The following KLHL1 variants were observed in gnomAD, a reference collection of about 807,000 sequenced individuals.
The protein encoded by KLHL1 is kelch-like protein 1.
KLHL1 carries 47 observed loss-of-function variants against 77.7 expected under a neutral mutation model. The observed-to-expected ratio is 0.60, with a 90% confidence interval of 0.48 to 0.77. KLHL1 has a LOEUF of 0.77. Ranked by LOEUF, KLHL1 falls within the 30% of genes least tolerant of loss-of-function variation. The pLI is 0.00. For missense variants in KLHL1, 925 were observed against 910.8 expected (o/e 1.02, Z -0.20); for synonymous variants, 360 against 325.2 (o/e 1.11, Z -1.15).
intron 4 of KLHL1, among the ~76,000 whole-genome samples, chr13:69,913,940 A>G (rs1369486850): frequency 6.6e-6 from 1 of 152,206 alleles, no homozygotes; most frequent in African/African-American, 2.4e-5. Flanking sequence ...CCCACCCTCA[A>G]TCTGGGTGAG....
At chr13:69,797,975 TCTGA>T (rs1376734715) in intron 6 of KLHL1, among the ~76,000 whole-genome samples, 3 of 152,192 alleles carry the variant, frequency 2.0e-5, no homozygotes, top group East Asian at 1.9e-4. Context: ...ATGCAATAAC[TCTGA>T]CTAATAAAAT....
chr13:69,989,001 T>G (rs1268279080), intron 1 of KLHL1, among the ~76,000 whole-genome samples: 4 of 152,162 alleles, frequency 2.6e-5, no homozygotes, highest in Non-Finnish European at 5.9e-5. Context: ...TTGCTGAATT[T>G]GCTTTTAGCA....
chr13:69,896,822 C>T (rs985711426), intron 4 of KLHL1, among the ~76,000 whole-genome samples: 1 of 151,922 alleles, frequency 6.6e-6, no homozygotes, highest in Non-Finnish European at 1.5e-5. Context: ...GCGCACACCA[C>T]CACCTCACCT....
chr13:69,778,771 T>C (rs1875964923), intron 7 of KLHL1, among the ~76,000 whole-genome samples: 1 of 151,350 alleles, frequency 6.6e-6, no homozygotes, highest in Non-Finnish European at 1.5e-5. Flanking sequence ...GTATATAATA[T>C]TGAAGGCAGG....
chr13:69,745,179 C>T (rs1025639769), intron 7 of KLHL1, among the ~76,000 whole-genome samples: 1 of 151,854 alleles, frequency 6.6e-6, no homozygotes, highest in Non-Finnish European at 1.5e-5. Context: ...TCCCATCATT[C>T]TGTTAGTTTT....
chr13:69,984,904 T>A (rs1356262408), intron 1 of KLHL1, among the ~76,000 whole-genome samples: 1 of 151,492 alleles, frequency 6.6e-6, no homozygotes, highest in Non-Finnish European at 1.5e-5. Context: ...ATGTCAGGAG[T>A]TCAAGACCAG....
chr13:69,829,162 A>G (rs1878663390), intron 6 of KLHL1, among the ~76,000 whole-genome samples: 1 of 150,346 alleles, frequency 6.7e-6, no homozygotes, highest in African/African-American at 2.5e-5. Context: ...AAACCAGCAC[A>G]CTAAACACAA....
chr13:69,756,045 G>C (rs1874716471), intron 7 of KLHL1, among the ~76,000 whole-genome samples: 2 of 152,094 alleles, frequency 1.3e-5, no homozygotes, highest in African/African-American at 4.8e-5. Flanking sequence ...TTGCCTCAGT[G>C]TATTCCCCTT....
chr13:70,059,240 C>A (rs1377596500), intron 1 of KLHL1, among the ~76,000 whole-genome samples: 1 of 151,368 alleles, frequency 6.6e-6, no homozygotes, highest in African/African-American at 2.4e-5. Flanking sequence ...CTTACTGCAA[C>A]CTCTGCCTAC....
chr13:70,050,568 T>G (rs1261447172), intron 1 of KLHL1, among the ~76,000 whole-genome samples: 1 of 151,944 alleles, frequency 6.6e-6, no homozygotes, highest in Non-Finnish European at 1.5e-5. Flanking sequence ...GTGTCATAAT[T>G]TGTATTCATT....
rs555673813 is a variant in KLHL1, at chr13:69,744,093, T to C, written c.1640-3537A>G. ...ATCAGCAATTATATGGCTTTTAAAG[T>C]CGTAGTCCTAGATATAATCAGTTAG... On this transcript the variant is annotated intron_variant, in intron 7 of 10. Transcript: ENST00000377844. Among the ~76,000 whole-genome samples the C allele has an allele frequency of 4.0e-4, 61 of 152,224 alleles. No homozygotes were observed. The South Asian group carries it at 0.01, about 26-fold the overall frequency.
At chr13:69,871,313 T>C (rs1334741167) in intron 5 of KLHL1, among the ~76,000 whole-genome samples, 1 of 152,158 alleles carries the variant, frequency 6.6e-6, no homozygotes, top group Non-Finnish European at 1.5e-5. Flanking sequence ...AAAACCATTC[T>C]GTCATTCTAG....
At chr13:69,769,911 G>T (rs1195137276) in intron 7 of KLHL1, among the ~76,000 whole-genome samples, 1 of 152,156 alleles carries the variant, frequency 6.6e-6, no homozygotes, top group Non-Finnish European at 1.5e-5. Flanking sequence ...TAGCTGGCTT[G>T]CCAAGCTGTG....
At chr13:69,880,357 C>T (rs375203137) in intron 5 of KLHL1, among the ~76,000 whole-genome samples, 4 of 151,930 alleles carry the variant, frequency 2.6e-5, no homozygotes, top group South Asian at 2.1e-4. Context: ...AAAATATTTC[C>T]GTTCATTCCT....
Position 69,975,660 on chromosome 13 carries a change from C to T in KLHL1, c.640G>A (p.Val214Ile), listed in dbSNP as rs1884524391. Reference sequence around the variant, plus strand: ...TTTCGGTTCCCAACAATCAGGATAACATCACAAAGTTGCTGCTGCTTCAAA... The same window carrying T: ...TTTCGGTTCCCAACAATCAGGATAATATCACAAAGTTGCTGCTGCTTCAAA... The part of the protein sequence containing the change: ...SYLKQQQLCD[V>I]ILIVGNRKIP... Residue 214 changes from valine (V) to isoleucine (I), a missense_variant, in exon 2 of 11, where the codon GTT becomes ATT. By Grantham distance (29) the Val-to-Ile change is conservative (BLOSUM62 3). Transcript: ENST00000377844. The T allele has an allele frequency of 3.7e-6, 6 of 1,613,532 alleles. No individual in the cohort carries two copies. Among genetic ancestry groups the T allele is most frequent in the East Asian group, 4.5e-5 (2 of 44,824 alleles).
intron 8 of KLHL1, among the ~76,000 whole-genome samples, chr13:69,733,712 T>C (rs1873649436): frequency 6.6e-6 from 1 of 152,294 alleles, no homozygotes; most frequent in Non-Finnish European, 1.5e-5. Context: ...GTAGGGCACA[T>C]GGAGCATTCA....
intron 4 of KLHL1, among the ~76,000 whole-genome samples, chr13:69,906,453 G>A (rs538681251): frequency 6.6e-6 from 1 of 152,102 alleles, no homozygotes; most frequent in South Asian, 2.1e-4. Context: ...CGGGAAAACA[G>A]AGCTAGAACA....
At chr13:69,939,344 T>TAC (rs1883283589) in intron 4 of KLHL1, among the ~76,000 whole-genome samples, 1 of 30,968 alleles carries the variant, frequency 3.2e-5, no homozygotes, top group Admixed American at 3.3e-4. Context: ...TACATACATA[T>TAC]ATATATATAT....
At chr13:70,092,259 T>G (rs1161395310) in intron 1 of KLHL1, among the ~76,000 whole-genome samples, 1 of 152,170 alleles carries the variant, frequency 6.6e-6, no homozygotes, top group Admixed American at 6.6e-5. Flanking sequence ...AAAAAATGAA[T>G]ACAACTTTCT....
Sources: gnomAD v4.1 joint callset for allele counts (sites outside exome capture counted in the v4.1 genomes callset) on GRCh38, gnomAD v4.1.1 for gene constraint, MANE v1.5 for transcripts, NCBI Gene and HGNC (gene_info 2026-07-23, HGNC 2026-07-21) for gene names.